The following GPR176 variants were observed in gnomAD, a reference collection of about 807,000 sequenced individuals.
GPR176 encodes the protein G-protein coupled receptor 176.
Under a neutral mutation model 35.4 loss-of-function variants are expected in GPR176, and 26 were observed. That is an observed-to-expected ratio of 0.74 (90% confidence interval 0.54 to 1.02). The LOEUF (loss-of-function observed/expected upper bound fraction) is 1.02, where lower values mean the gene tolerates loss of function less well. GPR176 is among the 50% of genes least tolerant of loss of function. The pLI is 0.00. For synonymous variants in GPR176, 278 were observed against 271.3 expected, an observed-to-expected ratio of 1.02 and a Z score of -0.24; for missense variants, 597 against 665.3, an observed-to-expected ratio of 0.90 and a Z score of 1.13.
rs758251416 is a variant in GPR176, at chr15:39,801,869, T to C, written c.811A>G (p.Met271Val). Reference protein sequence around the residue: ...EAELHATLLSMVMVFILCSVP... With the variant: ...EAELHATLLSVVMVFILCSVP... ...CTACACAAGATGAAGACCATCACCA[T>C]GGAGAGCAGGGTGGCGTGCAGCTCG... The change falls in exon 3 of 3, where the codon ATG (methionine) becomes GTG (valine). Residue 271 changes from methionine (M) to valine (V), a missense_variant. Transcript: ENST00000561100. The C allele has an allele frequency of 1.2e-5, 20 of 1,614,022 alleles. No homozygotes were observed. Among genetic ancestry groups the C allele is most frequent in the Non-Finnish European group, 1.6e-5 (19 of 1,179,980 alleles).
intron 1 of GPR176, among the ~76,000 whole-genome samples, chr15:39,891,830 C>A (rs953820510): frequency 2.0e-5 from 3 of 152,026 alleles, no homozygotes; most frequent in Admixed American, 6.6e-5. Flanking sequence ...CAGAGAGAGA[C>A]CTTGTCTCTA....
At position 39,863,056 on chromosome 15, in the gene GPR176, T is replaced by A. The variant is rs570250271; in HGVS notation, c.173-55798A>T. 2.7e-4 allele frequency among the ~76,000 whole-genome samples: 41 copies of A among 151,894 alleles called. No individual in the cohort carries two copies. In the East Asian group the frequency reaches 4.6e-3, roughly 17 times the overall value. ...TAATGTGTGTGTTTATGTCTTAGTTTTTCTTTTTTTTTTTTTTCTTTTTTT... is the reference window on the plus strand; with the variant it reads ...TAATGTGTGTGTTTATGTCTTAGTTATTCTTTTTTTTTTTTTTCTTTTTTT... On this transcript the variant is annotated intron_variant, in intron 1 of 2. Coordinates refer to ENST00000561100, the MANE Select transcript of GPR176 (RefSeq NM_007223.3).
intron 1 of GPR176, among the ~76,000 whole-genome samples, chr15:39,908,418 C>T (rs530438459): frequency 6.6e-6 from 1 of 152,258 alleles, no homozygotes; most frequent in Non-Finnish European, 1.5e-5. Flanking sequence ...TGAACTTGTT[C>T]ATGCAAATGT....
At chr15:39,810,077 G>C (rs544407711) in intron 1 of GPR176, among the ~76,000 whole-genome samples, 9 of 151,532 alleles carry the variant, frequency 5.9e-5, no homozygotes, top group Admixed American at 2.6e-4. Context: ...CCCAGGAGGC[G>C]GAGCTTGCAG....
rs199875897 is a variant in GPR176 at position 39,886,233 on chromosome 15, C to CA, written c.172+33621dup. On this transcript the variant is annotated intron_variant, in intron 1 of 2. Transcript: ENST00000561100. ...GAGCAACAAGAGTGAAATTCTGTCT[C>CA]AAAAAAAAAAAGAAAGAAAGAAATG... Among the ~76,000 whole-genome samples the CA allele has an allele frequency of 5.6e-4, 79 of 140,714 alleles. 1 individual carries two copies. In the East Asian group the frequency reaches 0.011, roughly 20 times the overall value. 92.3% of individuals were successfully genotyped at this position (140,714 alleles called of 152,430 possible). A position where few individuals can be genotyped will look rare whatever the true frequency, so the allele number is the denominator to read the frequency against.
intron 1 of GPR176, among the ~76,000 whole-genome samples, chr15:39,910,465 G>A (rs900751985): frequency 4.6e-5 from 7 of 151,936 alleles, no homozygotes; most frequent in Admixed American, 2.0e-4. Context: ...GGCTGAGGCA[G>A]GAGAATCACT....
At chr15:39,819,407 A>AT (rs967633626) in intron 1 of GPR176, among the ~76,000 whole-genome samples, 1 of 152,210 alleles carries the variant, frequency 6.6e-6, no homozygotes, top group African/African-American at 2.4e-5. Flanking sequence ...GTCAACCCTC[A>AT]TTAGCACCAG....
At chr15:39,869,655 ATTAT>A (rs1457059749) in intron 1 of GPR176, among the ~76,000 whole-genome samples, 1 of 151,388 alleles carries the variant, frequency 6.6e-6, no homozygotes, top group Non-Finnish European at 1.5e-5. Context: ...GTTTCTCTCA[ATTAT>A]TTATTATTTT....
chr15:39,915,893 T>A (rs999624069), intron 1 of GPR176, among the ~76,000 whole-genome samples: 6 of 152,048 alleles, frequency 3.9e-5, no homozygotes, highest in African/African-American at 1.4e-4. Context: ...ACAAAAAGAA[T>A]TAAAAAATAA....
intron 1 of GPR176, among the ~76,000 whole-genome samples, chr15:39,918,771 G>A (rs1166267880): frequency 6.6e-6 from 1 of 152,086 alleles, no homozygotes; most frequent in Admixed American, 6.5e-5. Flanking sequence ...AGAGTAAAAT[G>A]GAATGATGAC....
chr15:39,838,861 G>C (rs1901570464), intron 1 of GPR176, among the ~76,000 whole-genome samples: 2 of 152,010 alleles, frequency 1.3e-5, no homozygotes, highest in East Asian at 1.9e-4. Context: ...AGAAATAAAG[G>C]GTATTCTATC....
At chr15:39,891,607 G>A (rs2032874868) in intron 1 of GPR176, among the ~76,000 whole-genome samples, 1 of 152,184 alleles carries the variant, frequency 6.6e-6, no homozygotes. Context: ...AAAGCACTCA[G>A]ATTACAAGCA....
chr15:39,840,882 C>T (rs2029921079), intron 1 of GPR176, among the ~76,000 whole-genome samples: 1 of 152,114 alleles, frequency 6.6e-6, no homozygotes, highest in African/African-American at 2.4e-5. Context: ...TGTGGTAATA[C>T]ATTTTTGTTG....
chr15:39,808,079 C>T (rs1379986331), intron 1 of GPR176, among the ~76,000 whole-genome samples: 1 of 152,192 alleles, frequency 6.6e-6, no homozygotes, highest in Non-Finnish European at 1.5e-5. Flanking sequence ...CCAGGTTTTA[C>T]AGAAGAGCAT....
intron 1 of GPR176, among the ~76,000 whole-genome samples, chr15:39,851,901 T>C (rs780527327): frequency 8.5e-5 from 13 of 152,192 alleles, no homozygotes; most frequent in Non-Finnish European, 1.8e-4. Flanking sequence ...TCCAGCTTTG[T>C]CCCTTAATTA....
intron 1 of GPR176, among the ~76,000 whole-genome samples, chr15:39,876,654 T>C (rs947955938): frequency 4.6e-5 from 7 of 151,962 alleles, no homozygotes; most frequent in African/African-American, 1.7e-4. Context: ...ATTTTCACAG[T>C]GAGAACATGG....
intron 1 of GPR176, among the ~76,000 whole-genome samples, chr15:39,882,719 C>T (rs1821715): frequency 0.4 from 61,447 of 152,046 alleles, 12,501 homozygotes; most frequent in East Asian, 0.48. Flanking sequence ...AAAATAGTTT[C>T]AAGTGTGAAT....
intron 1 of GPR176, among the ~76,000 whole-genome samples, chr15:39,855,497 C>A (rs1020960390): frequency 2.0e-5 from 3 of 152,158 alleles, no homozygotes; most frequent in Non-Finnish European, 4.4e-5. Context: ...TGTACAGAGG[C>A]GTGATTTCCT....
chr15:39,863,625 A>G (rs983388391), intron 1 of GPR176, among the ~76,000 whole-genome samples: 7 of 152,198 alleles, frequency 4.6e-5, no homozygotes, highest in African/African-American at 9.7e-5. Context: ...AGTGTAGAGT[A>G]ATGTCCTGGG....
Sources: allele counts gnomAD v4.1 joint callset (sites outside exome capture counted in the v4.1 genomes callset), GRCh38; gene constraint gnomAD v4.1.1; transcripts MANE v1.5; gene names NCBI Gene and HGNC (gene_info 2026-07-23, HGNC 2026-07-21).